DSCAM: variants seen among roughly 807,000 people sequenced by gnomAD.
DSCAM encodes the protein DS cell adhesion molecule.
In DSCAM, 47 loss-of-function variants were observed where a neutral mutation model predicts 217.7. That is an observed-to-expected ratio of 0.22 (90% CI 0.17 to 0.28). The LOEUF (loss-of-function observed/expected upper bound fraction) is 0.28. Ranked by LOEUF, DSCAM falls within the 10% of genes least tolerant of loss-of-function variation. The pLI, the probability that DSCAM is intolerant of heterozygous loss-of-function variation, is 1.00. For synonymous variants in DSCAM, 1,056 were observed against 1,015.3 expected (o/e 1.04, Z -0.76); for missense variants, 2,080 against 2,618.3 (o/e 0.79, Z 4.49).
intron 3 of DSCAM, among the ~76,000 whole-genome samples, chr21:40,538,964 A>G (rs115665041): frequency 0.014 from 2,167 of 152,318 alleles, 64 homozygotes; most frequent in African/African-American, 0.049. Flanking sequence ...CGTAAAATGA[A>G]GAGAAAAACG....
intron 32 of DSCAM, among the ~76,000 whole-genome samples, chr21:40,031,309 T>G (rs1003805482): frequency 1.2e-4 from 18 of 152,028 alleles, no homozygotes; most frequent in African/African-American, 4.3e-4. Flanking sequence ...GCTCTACAGA[T>G]GACAAGAAAG....
chr21:40,053,549 T>A (rs894325852), intron 29 of DSCAM, among the ~76,000 whole-genome samples: 2 of 152,230 alleles, frequency 1.3e-5, no homozygotes, highest in Non-Finnish European at 2.9e-5. Context: ...GCCTGTCTGA[T>A]CATGAGGTTA....
intron 4 of DSCAM, among the ~76,000 whole-genome samples, chr21:40,364,763 T>C (rs930079327): frequency 2.3e-5 from 2 of 87,912 alleles, no homozygotes; most frequent in African/African-American, 8.7e-5. Flanking sequence ...TATATATACA[T>C]ATATATATAT....
Position 40,098,421 on chromosome 21 carries a change from C to T in DSCAM, c.3697-4547G>A, listed in dbSNP as rs116038413. On this transcript the variant is annotated intron_variant, in intron 20 of 32. Coordinates refer to ENST00000400454, the MANE Select transcript of DSCAM (RefSeq NM_001389.5). ...TGGATCCATTTTATAGATCAGGAAA[C>T]TGAGGTTCAGAGAAAGTAAGTGATT... 5.3e-4 allele frequency among the ~76,000 whole-genome samples: 81 copies of T among 152,316 alleles called. 1 individual carries two copies. Among genetic ancestry groups the T allele is most frequent in the African/African-American group, 1.9e-3 (78 of 41,574 alleles).
chr21:40,047,188 AT>A (rs971773633), intron 30 of DSCAM, among the ~76,000 whole-genome samples: 1 of 151,988 alleles, frequency 6.6e-6, no homozygotes, highest in South Asian at 2.1e-4. Flanking sequence ...TGACACATTT[AT>A]TTTTTAATAA....
intron 16 of DSCAM, among the ~76,000 whole-genome samples, chr21:40,151,299 G>C (rs1230867094): frequency 1.3e-5 from 2 of 151,918 alleles, no homozygotes; most frequent in Non-Finnish European, 2.9e-5. Flanking sequence ...TCAGCTTCCA[G>C]CTCACCAGGG....
intron 3 of DSCAM, among the ~76,000 whole-genome samples, chr21:40,452,690 T>C (rs928920710): frequency 1.1e-4 from 17 of 151,696 alleles, no homozygotes; most frequent in African/African-American, 3.6e-4. Flanking sequence ...TCCCTACCAA[T>C]AGAAAAAAAG....
chr21:40,829,928 A>G (rs1310037887), intron 1 of DSCAM, among the ~76,000 whole-genome samples: 1 of 152,134 alleles, frequency 6.6e-6, no homozygotes. Context: ...TTGTTCTCAT[A>G]TTGCCACATT....
chr21:40,708,736 C>T lies in DSCAM; in HGVS notation c.79G>A (p.Val27Ile). The change falls in exon 2 of 33, where the codon GTC becomes ATC. Residue 27 changes from valine (V) to isoleucine (I), a missense_variant. Physicochemically the swap from Val to Ile is conservative, Grantham distance 29 (BLOSUM62 3). Coordinates refer to ENST00000400454, the MANE Select transcript of DSCAM (RefSeq NM_001389.5). ...ACTACCTCTTGCAGAGATGCATTGA[C>T]AAAGTAGAGGCTGGAGTGTAGGTCT... ...SEDLHSSLYFVNASLQEVVFA... is the reference protein window; with the variant it reads ...SEDLHSSLYFINASLQEVVFA... 6.2e-7 allele frequency: 1 copy of T among 1,601,358 alleles called. No homozygotes were observed. Among genetic ancestry groups the T allele is most frequent in the Non-Finnish European group, 8.5e-7 (1 of 1,173,072 alleles).
intron 3 of DSCAM, among the ~76,000 whole-genome samples, chr21:40,424,622 A>AT: frequency 6.6e-6 from 1 of 152,314 alleles, no homozygotes; most frequent in Middle Eastern, 3.4e-3. Flanking sequence ...ATGTTATGGA[A>AT]TCCCCAGGAA....
intron 3 of DSCAM, among the ~76,000 whole-genome samples, chr21:40,560,241 T>C (rs2076709619): frequency 1.3e-5 from 2 of 152,142 alleles, no homozygotes; most frequent in East Asian, 1.9e-4. Context: ...GGCTCTTCTG[T>C]TGCTCCAGGA....
rs184016252 is a variant in DSCAM at position 40,041,669 on chromosome 21, C to T, written c.5686+702G>A. 1.8e-4 allele frequency among the ~76,000 whole-genome samples: 28 copies of T among 152,230 alleles called. No homozygotes were observed. In the South Asian group the frequency reaches 4.2e-3, roughly 23 times the overall value. ...CTCAAAATTTGCAGCTTTCACAACC[C>T]GGACGATTCACAGGTGTTCAAGTTG... On this transcript the variant is annotated intron_variant, in intron 32 of 32. Coordinates refer to ENST00000400454, the MANE Select transcript of DSCAM (RefSeq NM_001389.5).
chr21:40,053,411 G>C (rs958065338), intron 29 of DSCAM, among the ~76,000 whole-genome samples: 1 of 152,150 alleles, frequency 6.6e-6, no homozygotes, highest in African/African-American at 2.4e-5. Context: ...AGCACGAGAG[G>C]CTCCGTGTCT....
At chr21:40,437,322 G>C (rs370694588) in intron 3 of DSCAM, among the ~76,000 whole-genome samples, 2 of 152,044 alleles carry the variant, frequency 1.3e-5, no homozygotes. Flanking sequence ...AACTAAGCTC[G>C]GGGCTCCACC....
At chr21:40,201,053 A>T (rs73364184) in intron 11 of DSCAM, among the ~76,000 whole-genome samples, 2 of 152,224 alleles carry the variant, frequency 1.3e-5, no homozygotes, top group Non-Finnish European at 2.9e-5. Context: ...TTATGCTTAC[A>T]TAATGAAGTT....
At chr21:40,449,806 A>G (rs372574280) in intron 3 of DSCAM, among the ~76,000 whole-genome samples, 1 of 152,314 alleles carries the variant, frequency 6.6e-6, no homozygotes, top group African/African-American at 2.4e-5. Flanking sequence ...CTTAATAAAG[A>G]TTAGGCATAC....
chr21:40,519,769 T>TA (rs1278538296), intron 3 of DSCAM, among the ~76,000 whole-genome samples: 1 of 152,170 alleles, frequency 6.6e-6, no homozygotes. Flanking sequence ...TGCTTTGCCC[T>TA]ACAGATTACA....
At chr21:40,819,536 A>G (rs374472556) in intron 1 of DSCAM, among the ~76,000 whole-genome samples, 10 of 152,354 alleles carry the variant, frequency 6.6e-5, no homozygotes, top group African/African-American at 2.2e-4. Context: ...TGCTAATGCC[A>G]TATAATTACT....
In DSCAM at chr21:40,603,560, G is replaced by A. The variant is rs564279151; in HGVS notation, c.508+89250C>T. On this transcript the variant is annotated intron_variant, in intron 3 of 32. Transcript: ENST00000400454. ...TGACCCATGCTATTTTCTTCTTTCTGAATACATTCTTTTAACCTTTCTTAA... is the reference window on the plus strand; with the variant it reads ...TGACCCATGCTATTTTCTTCTTTCTAAATACATTCTTTTAACCTTTCTTAA... Among the ~76,000 whole-genome samples the A allele has an allele frequency of 4.0e-4, 61 of 152,186 alleles. 1 individual carries two copies. The highest frequency in any genetic ancestry group is 6.5e-4 in the Non-Finnish European group (44 of 67,996).
Sources: gnomAD v4.1 joint callset for allele counts (sites outside exome capture counted in the v4.1 genomes callset) on GRCh38, gnomAD v4.1.1 for gene constraint, MANE v1.5 for transcripts, NCBI Gene and HGNC (gene_info 2026-07-23, HGNC 2026-07-21) for gene names.